Variants in LPP observed in about 807,000 individuals in gnomAD.
LPP encodes the protein lipoma-preferred partner.
A neutral mutation model predicts 60.4 loss-of-function variants in LPP; 38 were observed. That is an observed-to-expected ratio of 0.63 (90% CI 0.49 to 0.83). The LOEUF (loss-of-function observed/expected upper bound fraction) is 0.83. Ranked by LOEUF, LPP falls within the 40% of genes least tolerant of loss-of-function variation. The pLI, the probability that LPP is intolerant of heterozygous loss-of-function variation, is 0.00. For missense variants in LPP, 902 were observed against 783.6 expected, an observed-to-expected ratio of 1.15 and a Z score of -1.80; for synonymous variants, 328 against 290.8, an observed-to-expected ratio of 1.13 and a Z score of -1.30.
At chr3:188,495,986 C>G (rs1367434615) in intron 5 of LPP, among the ~76,000 whole-genome samples, 1 of 152,150 alleles carries the variant, frequency 6.6e-6, no homozygotes, top group Non-Finnish European at 1.5e-5. Context: ...TGTACTCTTA[C>G]TATATAACTT....
At chr3:188,410,039 T>A (rs1784533747) in intron 4 of LPP, among the ~76,000 whole-genome samples, 1 of 152,204 alleles carries the variant, frequency 6.6e-6, no homozygotes. Flanking sequence ...AATGTGTTTT[T>A]TAATAGATTT....
At chr3:188,850,286 A>G (rs893132758) in intron 9 of LPP, among the ~76,000 whole-genome samples, 4 of 152,342 alleles carry the variant, frequency 2.6e-5, no homozygotes, top group Middle Eastern at 3.4e-3. Flanking sequence ...TTTAGTGGGC[A>G]AAATTAATAG....
At chr3:188,229,666 A>T (rs750784095) in intron 2 of LPP, among the ~76,000 whole-genome samples, 1 of 152,230 alleles carries the variant, frequency 6.6e-6, no homozygotes, top group Non-Finnish European at 1.5e-5. Context: ...GATGTCTTGT[A>T]GGAGGTATGT....
intron 4 of LPP, among the ~76,000 whole-genome samples, chr3:188,410,586 T>C (rs1784674731): frequency 6.6e-6 from 1 of 152,218 alleles, no homozygotes; most frequent in Admixed American, 6.5e-5. Context: ...CCTTTTATTT[T>C]ACTTCCATTG....
intron 9 of LPP, among the ~76,000 whole-genome samples, chr3:188,781,719 T>C (rs1446165697): frequency 2.1e-5 from 3 of 140,892 alleles, no homozygotes; most frequent in Non-Finnish European, 4.7e-5. Context: ...CCATCTCTAC[T>C]AAAAAAAAAA....
intron 7 of LPP, among the ~76,000 whole-genome samples, chr3:188,706,333 T>C (rs1335204512): frequency 6.6e-6 from 1 of 152,194 alleles, no homozygotes. Context: ...ATTTTTTTTG[T>C]CTGTAACCTG....
chr3:188,184,000 G>A (rs1275165644), intron 1 of LPP, among the ~76,000 whole-genome samples: 7 of 152,140 alleles, frequency 4.6e-5, no homozygotes. Context: ...TGTATCAATT[G>A]GTATAAGATT....
chr3:188,752,019 C>A (rs1337784016), intron 8 of LPP, among the ~76,000 whole-genome samples: 1 of 152,132 alleles, frequency 6.6e-6, no homozygotes, highest in Non-Finnish European at 1.5e-5. Flanking sequence ...AGAGAACAGT[C>A]CAAAGCATGT....
At chr3:188,856,862 C>T (rs1402214517) in intron 9 of LPP, among the ~76,000 whole-genome samples, 1 of 152,126 alleles carries the variant, frequency 6.6e-6, no homozygotes, top group Non-Finnish European at 1.5e-5. Context: ...CCAGAAGGCC[C>T]CCATATTTAT....
At chr3:188,795,180 A>T (rs1483871907) in intron 9 of LPP, among the ~76,000 whole-genome samples, 2 of 152,152 alleles carry the variant, frequency 1.3e-5, no homozygotes, top group Non-Finnish European at 2.9e-5. Context: ...TTGATTAATG[A>T]AATCTACCTT....
intron 6 of LPP, among the ~76,000 whole-genome samples, chr3:188,597,200 A>G (rs1840158387): frequency 6.6e-6 from 1 of 152,158 alleles, no homozygotes; most frequent in Non-Finnish European, 1.5e-5. Context: ...GAGATGTGTG[A>G]TATTCACATT....
intron 8 of LPP, among the ~76,000 whole-genome samples, chr3:188,746,157 G>A (rs1237235225): frequency 1.3e-5 from 2 of 152,080 alleles, no homozygotes; most frequent in Non-Finnish European, 2.9e-5. Flanking sequence ...GATATTTATA[G>A]ACCATCATTA....
At chr3:188,194,910 TGTGTCA>T (rs56265526) in intron 1 of LPP, among the ~76,000 whole-genome samples, 19,202 of 152,132 alleles carry the variant, frequency 0.13, 2,086 homozygotes, top group East Asian at 0.53. Context: ...GCTTGAGATC[TGTGTCA>T]GTGGTAGTCT....
chr3:188,446,055 T>C (rs1235696364), intron 4 of LPP, among the ~76,000 whole-genome samples: 1 of 152,240 alleles, frequency 6.6e-6, no homozygotes, highest in East Asian at 1.9e-4. Flanking sequence ...AAGAGCCTTC[T>C]CATAGTCTGC....
At chr3:188,193,951 T>C (rs1728859098) in intron 1 of LPP, among the ~76,000 whole-genome samples, 1 of 152,220 alleles carries the variant, frequency 6.6e-6, no homozygotes. Flanking sequence ...ATTTGGATTC[T>C]GATGAACAAG....
chr3:188,664,261 C>T (rs1224445062), intron 7 of LPP, among the ~76,000 whole-genome samples: 1 of 152,140 alleles, frequency 6.6e-6, no homozygotes, highest in Non-Finnish European at 1.5e-5. Flanking sequence ...ATGTTATTCA[C>T]CCATTTGGCT....
At chr3:188,490,782 T>C (rs1808129094) in intron 5 of LPP, among the ~76,000 whole-genome samples, 1 of 95,340 alleles carries the variant, frequency 1.0e-5, no homozygotes, top group Admixed American at 1.5e-4. Flanking sequence ...TGGGACAGAG[T>C]CTCGCTCTGT....
intron 4 of LPP, among the ~76,000 whole-genome samples, chr3:188,446,257 A>G (rs16863324): frequency 0.012 from 1,779 of 152,264 alleles, 39 homozygotes; most frequent in African/African-American, 0.04. Flanking sequence ...TGCCACTCCA[A>G]TCTCACACGG....
At chr3:188,160,818 G>A (rs1223921876) in intron 1 of LPP, among the ~76,000 whole-genome samples, 1 of 152,252 alleles carries the variant, frequency 6.6e-6, no homozygotes, top group African/African-American at 2.4e-5. Flanking sequence ...GAAAGAAACT[G>A]AAAGAGAAGA....
Sources: allele counts gnomAD v4.1 joint callset (sites outside exome capture counted in the v4.1 genomes callset), GRCh38; gene constraint gnomAD v4.1.1; transcripts MANE v1.5; gene names NCBI Gene and HGNC (gene_info 2026-07-23, HGNC 2026-07-21).